Variants in ZNF525 observed in about 807,000 individuals in gnomAD.
ZNF525 encodes the protein zinc finger protein 525.
ZNF525 carries 33 observed loss-of-function variants against 37.6 expected under a neutral mutation model. That is an observed-to-expected ratio of 0.88 (90% confidence interval 0.67 to 1.17). The LOEUF (loss-of-function observed/expected upper bound fraction) is 1.17. Among genes scored for constraint, ZNF525 ranks in the 50% most tolerant of loss-of-function variants. The pLI is 0.00. For synonymous variants in ZNF525, 170 were observed against 182.3 expected (o/e 0.93, Z 0.54); for missense variants, 449 against 543.1 (o/e 0.83, Z 1.72).
At chr19:53,371,201 T>TC (rs2085485466) in intron 1 of ZNF525, among the ~76,000 whole-genome samples, 1 of 148,466 alleles carries the variant, frequency 6.7e-6, no homozygotes, top group Non-Finnish European at 1.5e-5. Flanking sequence ...AGAAACGCTT[T>TC]TTTTTTTTTT....
In ZNF525 at chr19:53,386,297, C is replaced by T. The variant is rs1240253488; in HGVS notation, c.*4278C>T. 10 of 717,204 alleles carry T rather than the reference C, an allele frequency of 1.4e-5. No homozygotes were observed. The highest frequency in any genetic ancestry group is 2.1e-5 in the Non-Finnish European group (8 of 387,596). 44.4% of individuals were successfully genotyped at this position (717,204 alleles called of 1,614,324 possible). ...GCCAAGAAACAAAAGCAAAACCATC[C>T]CACTCCCCTGTGGATTCAGATCAAA... On this transcript the variant is annotated 3_prime_UTR_variant, in exon 4 of 4. Transcript: ENST00000474037.
intron 2 of ZNF525, among the ~76,000 whole-genome samples, chr19:53,373,188 G>A (rs2085499383): frequency 6.6e-6 from 1 of 152,024 alleles, no homozygotes; most frequent in Admixed American, 6.6e-5. Flanking sequence ...CACCTCCCAG[G>A]TTCAAGCGAT....
At position 53,380,948 on chromosome 19, in the gene ZNF525, A is replaced by G; in HGVS notation, c.369A>G (p.Thr123=). The change falls in exon 4 of 4, where the codon ACA becomes ACG. Residue 123 remains threonine (T), a synonymous_variant. Transcript: ENST00000474037. ...AAATCAAAAAATTGATGGGTAGTACAGAGCAATATGATCACAGGCATGCTG... is the reference window on the plus strand; with the variant it reads ...AAATCAAAAAATTGATGGGTAGTACGGAGCAATATGATCACAGGCATGCTG... ...MTKIKKLMGS[T]EQYDHRHAGN... is the part of the protein sequence containing the mutation. 6.4e-7 allele frequency: 1 copy of G among 1,563,300 alleles called. No individual in the cohort carries two copies. The highest frequency in any genetic ancestry group is 2.2e-5 in the East Asian group (1 of 44,622).
chr19:53,382,189 AC>A lies in ZNF525; in HGVS notation c.*172del. ...GATGAAGCTTTCAGTTTCAAATCAA[AC>A]CTTGAAAGACATAGGAGAATTCACA... On this transcript the variant is annotated 3_prime_UTR_variant, in exon 4 of 4. Transcript: ENST00000474037. 1 of 1,592,790 alleles carries A rather than the reference AC, an allele frequency of 6.3e-7. No homozygotes were observed. Among genetic ancestry groups the A allele is most frequent in the African/African-American group, 1.3e-5 (1 of 74,518 alleles).
Position 53,383,233 on chromosome 19 carries a change from T to C in ZNF525, c.*1214T>C. The C allele has an allele frequency of 7.0e-7, 1 of 1,433,768 alleles. No individual in the cohort carries two copies. The highest frequency in any genetic ancestry group is 9.6e-7 in the Non-Finnish European group (1 of 1,043,640). 88.8% of individuals were successfully genotyped at this position (1,433,768 alleles called of 1,614,324 possible). A position where few individuals can be genotyped will look rare whatever the true frequency, so the allele number is the denominator to read the frequency against. On this transcript the variant is annotated 3_prime_UTR_variant, in exon 4 of 4. Transcript: ENST00000474037. ...AGACAATTCACACTGGGGAGAAACC[T>C]TACAAGTGTAATGAGTGTGGCAAAA...
At chr19:53,371,358 T>C (rs2085486993) in intron 1 of ZNF525, among the ~76,000 whole-genome samples, 1 of 151,700 alleles carries the variant, frequency 6.6e-6, no homozygotes, top group Non-Finnish European at 1.5e-5. Flanking sequence ...GCCACCACAC[T>C]CAGCTAATTA....
chr19:53,366,217 G>C (rs34950274), intron 1 of ZNF525, among the ~76,000 whole-genome samples: 2,851 of 82,650 alleles, frequency 0.034, 101 homozygotes, highest in Middle Eastern at 0.067. Context: ...CGCCCCCCAC[G>C]TCCCTCCTCA....
chr19:53,369,082 A>G (rs146909238), intron 1 of ZNF525, among the ~76,000 whole-genome samples: 1,708 of 152,300 alleles, frequency 0.011, 37 homozygotes, highest in African/African-American at 0.039. Context: ...ACAGAGAAAT[A>G]GGCCCTCGGT....
intron 2 of ZNF525, among the ~76,000 whole-genome samples, chr19:53,375,488 G>A (rs928762656): frequency 6.6e-6 from 1 of 152,188 alleles, no homozygotes; most frequent in Non-Finnish European, 1.5e-5. Context: ...AGGAGGCTAA[G>A]GCAGGAGAAT....
chr19:53,370,493 T>C (rs117969384), intron 1 of ZNF525, among the ~76,000 whole-genome samples: 9,917 of 151,134 alleles, frequency 0.066, 389 homozygotes, highest in East Asian at 0.12. Flanking sequence ...AAAATTTCCC[T>C]GCTCTGAGCC....
rs537351412 is a variant in ZNF525 at position 53,369,864 on chromosome 19, A to G, written c.-67-2351A>G. 3.1e-4 allele frequency among the ~76,000 whole-genome samples: 39 copies of G among 124,314 alleles called. 4 individuals are homozygous for G. The highest frequency in any genetic ancestry group is 5.9e-4 in the Non-Finnish European group (34 of 58,032). 81.6% of individuals were successfully genotyped at this position (124,314 alleles called of 152,430 possible). On this transcript the variant is annotated intron_variant, in intron 1 of 3. Transcript: ENST00000474037. ...CTCAGCCTCCCCAGTAGCTGGGACTACAGGCGCCCGCCACCACGCCCAGCT... is the reference window on the plus strand; with the variant it reads ...CTCAGCCTCCCCAGTAGCTGGGACTGCAGGCGCCCGCCACCACGCCCAGCT...
intron 1 of ZNF525, among the ~76,000 whole-genome samples, chr19:53,370,934 G>A (rs1380528091): frequency 1.3e-5 from 2 of 152,208 alleles, no homozygotes; most frequent in East Asian, 1.9e-4. Flanking sequence ...CTGGGAGCTT[G>A]CCCTCATCTC....
At chr19:53,380,631 G>A (rs1191456515) in intron 3 of ZNF525, 91 bp from the exon 4 acceptor site, 9 of 660,658 alleles carry the variant, frequency 1.4e-5, no homozygotes, top group Admixed American at 5.7e-5. Context: ...AGAATCTTAC[G>A]ATTTTGTGTT....
chr19:53,376,633 A>G (rs2085524298), intron 3 of ZNF525, among the ~76,000 whole-genome samples: 1 of 152,078 alleles, frequency 6.6e-6, no homozygotes, highest in African/African-American at 2.4e-5. Flanking sequence ...GCTGCAGCGC[A>G]GTGGGGCGAT....
chr19:53,370,080 G>C (rs1043189986), intron 1 of ZNF525, among the ~76,000 whole-genome samples: 3 of 151,358 alleles, frequency 2.0e-5, no homozygotes, highest in African/African-American at 7.3e-5. Context: ...TCAAGGATAG[G>C]GGTGATAAAG....
chr19:53,383,705 T>C lies in ZNF525; in HGVS notation c.*1686T>C. 1 of 658,538 alleles carries C rather than the reference T, an allele frequency of 1.5e-6. No homozygotes were observed. Among genetic ancestry groups the C allele is most frequent in the African/African-American group, 1.8e-5 (1 of 54,434 alleles). The allele number at this position is 658,538 out of a possible 1,614,324, so 40.8% of individuals were successfully genotyped here. ...TAATGCTACAACCATTGTAAATCAC[T>C]GGAGAAGCCATAATGAAGAGAGATC... On this transcript the variant is annotated 3_prime_UTR_variant, in exon 4 of 4. Transcript: ENST00000474037.
Position 53,372,242 on chromosome 19 carries a change from T to C in ZNF525, c.-40T>C, listed in dbSNP as rs1401701671. ...TTGACATCTAAAGACTCTTGGTACA[T>C]GAGGAAGAAACCCGGAAAAGGAAAG... On this transcript the variant is annotated 5_prime_UTR_variant, in exon 2 of 4. An upstream start codon of the reference 5' UTR is lost. Coordinates refer to ENST00000474037, the MANE Select transcript of ZNF525 (RefSeq NM_001348156.2). The C allele has an allele frequency of 1.4e-6, 1 of 739,742 alleles. No individual in the cohort carries two copies. Among genetic ancestry groups the C allele is most frequent in the East Asian group, 2.4e-5 (1 of 41,188 alleles). The allele number at this position is 739,742 out of a possible 1,614,324, so 45.8% of individuals were successfully genotyped here.
intron 1 of ZNF525, among the ~76,000 whole-genome samples, chr19:53,370,811 C>G (rs1057248564): frequency 7.9e-5 from 12 of 152,206 alleles, no homozygotes; most frequent in Non-Finnish European, 1.2e-4. Context: ...TCACGTCAGT[C>G]CCTGGCAGGG....
At chr19:53,374,420 T>C (rs1430050658) in intron 2 of ZNF525, among the ~76,000 whole-genome samples, 3 of 152,244 alleles carry the variant, frequency 2.0e-5, no homozygotes, top group Non-Finnish European at 4.4e-5. Flanking sequence ...TTTTTCCCTG[T>C]ATAAAGAGTG....
Sources: gnomAD v4.1 joint callset for allele counts (sites outside exome capture counted in the v4.1 genomes callset) on GRCh38, gnomAD v4.1.1 for gene constraint, MANE v1.5 for transcripts, NCBI Gene and HGNC (gene_info 2026-07-23, HGNC 2026-07-21) for gene names.